STX8: variants seen among roughly 807,000 people sequenced by gnomAD.
STX8 encodes syntaxin 8.
Under a neutral mutation model 37.5 loss-of-function variants are expected in STX8, and 23 were observed. The observed-to-expected ratio is 0.61, with a 90% CI of 0.44 to 0.87. STX8 has a LOEUF of 0.87. STX8 is among the 40% of genes least tolerant of loss of function. The pLI, the probability that STX8 is intolerant of heterozygous loss-of-function variation, is 0.00. For synonymous variants in STX8, 115 were observed against 99.1 expected (o/e 1.16, Z -0.95); for missense variants, 313 against 284.7 (o/e 1.10, Z -0.71).
intron 4 of STX8, among the ~76,000 whole-genome samples, chr17:9,533,123 T>C (rs1205501181): frequency 2.6e-5 from 4 of 152,228 alleles, no homozygotes; most frequent in African/African-American, 7.2e-5. Context: ...CAAGATTATC[T>C]GTCTGCAGAA....
chr17:9,424,519 C>G (rs1913555638), intron 6 of STX8, among the ~76,000 whole-genome samples: 1 of 152,014 alleles, frequency 6.6e-6, no homozygotes, highest in Admixed American at 6.6e-5. Context: ...CAGCGCCTGG[C>G]CTTCCTCCCC....
At chr17:9,322,814 T>TAAAAAAA (rs59941529) in intron 7 of STX8, among the ~76,000 whole-genome samples, 13 of 64,708 alleles carry the variant, frequency 2.0e-4, no homozygotes, top group African/African-American at 8.2e-4. Context: ...GTGCATTTGC[T>TAAAAAAA]AAAAAAAAAA....
At chr17:9,292,744 C>T (rs1232214508) in intron 7 of STX8, among the ~76,000 whole-genome samples, 1 of 152,220 alleles carries the variant, frequency 6.6e-6, no homozygotes, top group African/African-American at 2.4e-5. Flanking sequence ...CTTCACCAAG[C>T]TGGTTTGGAA....
intron 7 of STX8, among the ~76,000 whole-genome samples, chr17:9,358,910 A>G (rs1045621642): frequency 1.3e-5 from 2 of 152,238 alleles, no homozygotes; most frequent in African/African-American, 4.8e-5. Flanking sequence ...ATGTGATTTA[A>G]GGATGGGAAC....
chr17:9,396,657 T>G (rs1597645906), intron 6 of STX8, among the ~76,000 whole-genome samples: 1 of 147,446 alleles, frequency 6.8e-6, no homozygotes, highest in African/African-American at 2.5e-5. Flanking sequence ...TTGCAGTGAG[T>G]CGAGATCGAG....
At chr17:9,443,749 G>A (rs549277306) in intron 6 of STX8, among the ~76,000 whole-genome samples, 6 of 152,180 alleles carry the variant, frequency 3.9e-5, no homozygotes, top group Non-Finnish European at 7.3e-5. Flanking sequence ...AAGGAGAAAT[G>A]AGGAACCCCA....
intron 7 of STX8, among the ~76,000 whole-genome samples, chr17:9,270,276 G>A (rs1368170930): frequency 3.3e-5 from 5 of 152,062 alleles, no homozygotes; most frequent in Admixed American, 2.0e-4. Flanking sequence ...ATGGAGTCTC[G>A]CTCTGTCGCC....
At chr17:9,324,625 C>T (rs1056409427) in intron 7 of STX8, among the ~76,000 whole-genome samples, 2 of 151,822 alleles carry the variant, frequency 1.3e-5, no homozygotes, top group South Asian at 2.1e-4. Flanking sequence ...ATTAGCTGGG[C>T]GTGGTGGCAG....
chr17:9,441,810 G>T (rs926877528), intron 6 of STX8, among the ~76,000 whole-genome samples: 1 of 151,544 alleles, frequency 6.6e-6, no homozygotes, highest in Non-Finnish European at 1.5e-5. Context: ...CAAGTAGCTG[G>T]GACTACAGGC....
chr17:9,420,198 A>T (rs1024288197), intron 6 of STX8, among the ~76,000 whole-genome samples: 4 of 152,212 alleles, frequency 2.6e-5, no homozygotes, highest in African/African-American at 9.6e-5. Context: ...CGTTGACTGA[A>T]GGAGTCCTGA....
intron 7 of STX8, among the ~76,000 whole-genome samples, chr17:9,313,017 C>T (rs1429656387): frequency 6.6e-6 from 1 of 151,758 alleles, no homozygotes; most frequent in Non-Finnish European, 1.5e-5. Flanking sequence ...ATGGTGAAAC[C>T]CCCTCCCTAC....
At chr17:9,364,861 C>A (rs1029573660) in intron 7 of STX8, among the ~76,000 whole-genome samples, 3 of 152,110 alleles carry the variant, frequency 2.0e-5, no homozygotes, top group African/African-American at 7.2e-5. Context: ...TATACTATAA[C>A]CCTCTGGGGG....
At chr17:9,348,718 T>C (rs1029863864) in intron 7 of STX8, among the ~76,000 whole-genome samples, 6 of 152,168 alleles carry the variant, frequency 3.9e-5, no homozygotes, top group Non-Finnish European at 8.8e-5. Flanking sequence ...TTCACCACAC[T>C]GTGATAACTT....
chr17:9,262,259 G>C (rs534109037), intron 7 of STX8, among the ~76,000 whole-genome samples: 10 of 152,178 alleles, frequency 6.6e-5, no homozygotes, highest in Non-Finnish European at 1.2e-4. Flanking sequence ...CCCAGTAGCC[G>C]TGTCTGTTCA....
intron 6 of STX8, among the ~76,000 whole-genome samples, chr17:9,414,561 C>G (rs1452376559): frequency 6.6e-6 from 1 of 151,980 alleles, no homozygotes; most frequent in African/African-American, 2.4e-5. Context: ...GGCTAGGGGA[C>G]TTGTGTGAAG....
intron 7 of STX8, among the ~76,000 whole-genome samples, chr17:9,304,159 A>C (rs1168151421): frequency 6.6e-6 from 1 of 152,188 alleles, no homozygotes; most frequent in Non-Finnish European, 1.5e-5. Flanking sequence ...AAAAAAAAGG[A>C]AATACAAATG....
intron 6 of STX8, among the ~76,000 whole-genome samples, chr17:9,450,228 A>G (rs1838867774): frequency 6.6e-6 from 1 of 150,454 alleles, no homozygotes; most frequent in African/African-American, 2.5e-5. Flanking sequence ...GGTATGCGCC[A>G]CCACGCCCGG....
intron 6 of STX8, among the ~76,000 whole-genome samples, chr17:9,437,249 T>C (rs1433883118): frequency 6.6e-6 from 1 of 152,224 alleles, no homozygotes; most frequent in Admixed American, 6.5e-5. Context: ...CCAACATTGA[T>C]TGGCTTGCTC....
intron 6 of STX8, among the ~76,000 whole-genome samples, chr17:9,399,642 G>A (rs1408820717): frequency 6.6e-6 from 1 of 152,100 alleles, no homozygotes; most frequent in Non-Finnish European, 1.5e-5. Flanking sequence ...GAGGCAGGCA[G>A]ATCACCTGAG....
Sources: gnomAD v4.1 joint callset for allele counts (sites outside exome capture counted in the v4.1 genomes callset) on GRCh38, gnomAD v4.1.1 for gene constraint, MANE v1.5 for transcripts, NCBI Gene and HGNC (gene_info 2026-07-23, HGNC 2026-07-21) for gene names.